GRHL2: variants seen among roughly 807,000 people sequenced by gnomAD.
GRHL2 encodes the protein grainyhead-like protein 2 homolog.
A neutral mutation model predicts 83.8 loss-of-function variants in GRHL2; 21 were observed. The observed-to-expected ratio is 0.25, with a 90% CI of 0.18 to 0.36. The LOEUF (loss-of-function observed/expected upper bound fraction) is 0.36, where lower values mean the gene tolerates loss of function less well. Ranked by LOEUF, GRHL2 falls within the 10% of genes least tolerant of loss-of-function variation. GRHL2 has a pLI of 1.00. For missense variants in GRHL2, 623 were observed against 781.8 expected, an observed-to-expected ratio of 0.80 and a Z score of 2.42; for synonymous variants, 280 against 278.9, an observed-to-expected ratio of 1.00 and a Z score of -0.04.
At chr8:101,555,867 A>G (rs1274365020) in intron 3 of GRHL2, among the ~76,000 whole-genome samples, 1 of 152,242 alleles carries the variant, frequency 6.6e-6, no homozygotes, top group African/African-American at 2.4e-5. Flanking sequence ...AAAGCTGAAA[A>G]TATCAAGTCC....
At position 101,562,058 on chromosome 8, in the gene GRHL2, A is replaced by T. The variant is rs1376585894; in HGVS notation, c.678+3246A>T. 6.8e-6 allele frequency: 5 copies of T among 734,106 alleles called. No individual in the cohort carries two copies. The East Asian group carries it at 1.1e-4, about 17-fold the overall frequency. The allele number at this position is 734,106 out of a possible 1,614,324, so 45.5% of individuals were successfully genotyped here. ...AACTGTTGTACCATTTTCTCTTCCA[A>T]CTACTTCCCTTTGCCTGCAAGGGGG... is the stretch of plus-strand genomic sequence containing the variant. On this transcript the variant is annotated intron_variant, in intron 4 of 15. Transcript: ENST00000646743.
chr8:101,675,918 C>T, the GRHL2 span, among the ~76,000 whole-genome samples: 2 of 152,142 alleles, frequency 1.3e-5, no homozygotes. Flanking sequence ...TATCTACAAC[C>T]ATCTGATCTT....
chr8:101,507,941 C>A (rs902118579), intron 1 of GRHL2, among the ~76,000 whole-genome samples: 1 of 151,874 alleles, frequency 6.6e-6, no homozygotes, highest in Non-Finnish European at 1.5e-5. Flanking sequence ...TGCCACCATG[C>A]CCAGCTAATT....
At chr8:101,594,109 G>A (rs1320326415) in intron 7 of GRHL2, among the ~76,000 whole-genome samples, 1 of 145,140 alleles carries the variant, frequency 6.9e-6, no homozygotes, top group Non-Finnish European at 1.5e-5. Context: ...GAGAGAGATA[G>A]TGAAGGGGGA....
intron 14 of GRHL2, among the ~76,000 whole-genome samples, chr8:101,660,375 G>C (rs1813895058): frequency 6.6e-6 from 1 of 152,066 alleles, no homozygotes; most frequent in African/African-American, 2.4e-5. Context: ...GTTTGCATTT[G>C]ATTGGTATGG....
At chr8:101,606,249 G>A (rs1462136651) in intron 8 of GRHL2, among the ~76,000 whole-genome samples, 1 of 152,178 alleles carries the variant, frequency 6.6e-6, no homozygotes, top group Non-Finnish European at 1.5e-5. Flanking sequence ...CTCTAATCTT[G>A]GGTCTCTTTG....
chr8:101,521,994 G>A (rs944614473), intron 1 of GRHL2, among the ~76,000 whole-genome samples: 6 of 152,174 alleles, frequency 3.9e-5, no homozygotes, highest in Non-Finnish European at 7.4e-5. Context: ...GAAATTTAGG[G>A]CAGGGGTGTG....
At chr8:101,652,779 G>A (rs1563627810) in intron 14 of GRHL2, among the ~76,000 whole-genome samples, 3 of 152,016 alleles carry the variant, frequency 2.0e-5, no homozygotes, top group South Asian at 2.1e-4. Flanking sequence ...TACCTAGCTC[G>A]TGGGATTGTT....
At chr8:101,670,359 A>ATC (rs1386236608), downstream of GRHL2, among the ~76,000 whole-genome samples, 1 of 152,078 alleles carries the variant, frequency 6.6e-6, no homozygotes, top group African/African-American at 2.4e-5. Context: ...ACATCTTCCC[A>ATC]TCTCTCTGTC....
intron 4 of GRHL2, among the ~76,000 whole-genome samples, chr8:101,563,892 G>A (rs1586099091): frequency 1.3e-5 from 2 of 152,140 alleles, no homozygotes; most frequent in East Asian, 3.9e-4. Flanking sequence ...CCAAAAGATT[G>A]CCACTGATGT....
At chr8:101,644,954 C>T (rs1404152462) in intron 13 of GRHL2, among the ~76,000 whole-genome samples, 3 of 151,462 alleles carry the variant, frequency 2.0e-5, no homozygotes, top group Admixed American at 2.0e-4. Flanking sequence ...TTTCAGCTAT[C>T]CTCCCACCTC....
intron 7 of GRHL2, among the ~76,000 whole-genome samples, chr8:101,586,083 T>G (rs1284027463): frequency 7.7e-6 from 1 of 130,262 alleles, no homozygotes; most frequent in Non-Finnish European, 1.6e-5. Flanking sequence ...TTTTTTTTTT[T>G]TTTTTTTGAG....
chr8:101,543,301 A>G lies in GRHL2; in HGVS notation c.81A>G (p.Arg27=), dbSNP rs779951984. ...GTGACCCTCCATTCAATACCCGAAG[A>G]GCCTACACCAGTGAGGATGAAGCCT... is the stretch of plus-strand genomic sequence containing the variant. ...MPSDPPFNTR[R]AYTSEDEAWK... is the part of the protein sequence containing the mutation. Residue 27 remains arginine, a synonymous_variant, in exon 2 of 16, where the codon AGA becomes AGG. Transcript: ENST00000646743. The G allele has an allele frequency of 1.2e-6, 2 of 1,613,998 alleles. No individual in the cohort carries two copies. Among genetic ancestry groups the G allele is most frequent in the Admixed American group, 3.3e-5 (2 of 59,996 alleles).
chr8:101,573,796 G>T lies in GRHL2; in HGVS notation c.863G>T (p.Cys288Phe). Residue 288 changes from cysteine (C) to phenylalanine (F), a missense_variant, in exon 6 of 16, where the codon TGC (cysteine) becomes TTC (phenylalanine). Coordinates refer to ENST00000646743, the MANE Select transcript of GRHL2 (RefSeq NM_024915.4). ...CTCAGCGAGACCGGAGACAACAAATGCTTCCGACACCCCATCAGCAAAGTC... is the reference window on the plus strand; with the variant it reads ...CTCAGCGAGACCGGAGACAACAAATTCTTCCGACACCCCATCAGCAAAGTC... The part of the protein sequence containing the change: ...ITLSETGDNK[C>F]FRHPISKVRS... 1 of 1,614,178 alleles carries T rather than the reference G, an allele frequency of 6.2e-7. No homozygotes were observed. The highest frequency in any genetic ancestry group is 8.5e-7 in the Non-Finnish European group (1 of 1,180,028).
chr8:101,553,030 C>T (rs1274379287), intron 3 of GRHL2, among the ~76,000 whole-genome samples: 1 of 152,154 alleles, frequency 6.6e-6, no homozygotes, highest in African/African-American at 2.4e-5. Context: ...GCTTAAAATC[C>T]TGAGTCAGAG....
chr8:101,645,282 G>A (rs56175710), intron 13 of GRHL2, among the ~76,000 whole-genome samples: 55,616 of 151,372 alleles, frequency 0.37, 11,679 homozygotes, highest in African/African-American at 0.57. Context: ...ATAGGTGTGT[G>A]CCACCACGCC....
chr8:101,632,102 T>C, intron 10 of GRHL2, 124 bp from the exon 11 acceptor site: 1 of 1,026,120 alleles, frequency 9.7e-7, no homozygotes, highest in Non-Finnish European at 1.5e-6. Flanking sequence ...GGTGTTGAAG[T>C]GTGTTCACAT....
At chr8:101,572,901 G>A (rs892315103) in intron 5 of GRHL2, among the ~76,000 whole-genome samples, 3 of 152,186 alleles carry the variant, frequency 2.0e-5, no homozygotes, top group Non-Finnish European at 2.9e-5. Flanking sequence ...AGGTTTGGCA[G>A]GCTATCGTCT....
chr8:101,581,636 GCA>G (rs1283126271), intron 7 of GRHL2, among the ~76,000 whole-genome samples: 3 of 152,160 alleles, frequency 2.0e-5, no homozygotes, highest in Admixed American at 6.5e-5. Flanking sequence ...TTGAGGAAAA[GCA>G]CAGTTATTCC....
Sources: allele counts gnomAD v4.1 joint callset (sites outside exome capture counted in the v4.1 genomes callset), GRCh38; gene constraint gnomAD v4.1.1; transcripts MANE v1.5; gene names NCBI Gene and HGNC (gene_info 2026-07-23, HGNC 2026-07-21).